The following MORC3 variants were observed in gnomAD, a reference collection of about 807,000 sequenced individuals.
MORC3 encodes MORC family CW-type zinc finger protein 3.
MORC3 carries 31 observed loss-of-function variants against 109.1 expected under a neutral mutation model. The observed-to-expected ratio is 0.28, with a 90% CI of 0.21 to 0.38. The LOEUF (loss-of-function observed/expected upper bound fraction) is 0.38. MORC3 is among the 10% of genes least tolerant of loss of function. The pLI, the probability that MORC3 is intolerant of heterozygous loss-of-function variation, is 1.00. For synonymous variants in MORC3, 395 were observed against 380.7 expected, an observed-to-expected ratio of 1.04 and a Z score of -0.44; for missense variants, 867 against 1,135.8, an observed-to-expected ratio of 0.76 and a Z score of 3.40.
At chr21:36,338,664 A>G in intron 4 of MORC3, 110 bp from the exon 5 acceptor site, 1 of 1,093,336 alleles carries the variant, frequency 9.1e-7, no homozygotes, top group Non-Finnish European at 1.3e-6. Flanking sequence ...AAAAAACCTT[A>G]GAAAATTATT....
chr21:36,356,585 G>T (rs199625436), intron 9 of MORC3, 35 bp from the exon 10 acceptor site: 15 of 1,162,710 alleles, frequency 1.3e-5, no homozygotes, highest in South Asian at 2.9e-5. Flanking sequence ...TGTTTGAAAA[G>T]AATTTTTTCT....
chr21:36,349,616 T>C (rs1410637230), intron 9 of MORC3, among the ~76,000 whole-genome samples: 1 of 152,274 alleles, frequency 6.6e-6, no homozygotes, highest in Non-Finnish European at 1.5e-5. Context: ...CTACCCATTT[T>C]CTTAAAGTTC....
intron 1 of MORC3, among the ~76,000 whole-genome samples, chr21:36,321,027 A>T (rs1370343671): frequency 6.6e-6 from 1 of 152,074 alleles, no homozygotes; most frequent in East Asian, 1.9e-4. Flanking sequence ...ATCCTAAAAA[A>T]CTTTTCTACC....
intron 5 of MORC3, among the ~76,000 whole-genome samples, chr21:36,339,749 A>C (rs1043210712): frequency 6.6e-6 from 1 of 152,216 alleles, no homozygotes; most frequent in African/African-American, 2.4e-5. Flanking sequence ...TCTAAGACAT[A>C]CTGAATCACA....
In MORC3 at chr21:36,341,217, C is replaced by T. The variant is rs1437101079; in HGVS notation, c.609-182C>T. The stretch of plus-strand genomic sequence containing the variant: ...CAGCAGTGTATGAGTGTTACAGTTT[C>T]TCCACATCATCCAGGATCCGTTTTC... On this transcript the variant is annotated intron_variant, in intron 5 of 16. Coordinates refer to ENST00000400485, the MANE Select transcript of MORC3 (RefSeq NM_015358.3). 3.3e-5 allele frequency among the ~76,000 whole-genome samples: 5 copies of T among 152,316 alleles called. No homozygotes were observed. The East Asian group carries it at 9.6e-4, about 29-fold the overall frequency.
At position 36,369,661 on chromosome 21, in the gene MORC3, A is replaced by G; in HGVS notation, c.2293A>G (p.Ser765Gly). 6.2e-7 allele frequency: 1 copy of G among 1,614,242 alleles called. No homozygotes were observed. Residue 765 changes from serine to glycine, a missense_variant, in exon 15 of 17, where the codon AGT (serine) becomes GGT (glycine). Transcript: ENST00000400485. ...TGAAAGTATTAATGGCAAATCTGAA[A>G]GTCCAGACCATATGGTATCTCAGTA... ...LLESINGKSESPDHMVSQYQQ... is the reference protein window; with the variant it reads ...LLESINGKSEGPDHMVSQYQQ...
At chr21:36,326,977 G>A (rs1307989332) in intron 1 of MORC3, among the ~76,000 whole-genome samples, 1 of 151,380 alleles carries the variant, frequency 6.6e-6, no homozygotes, top group Non-Finnish European at 1.5e-5. Flanking sequence ...CACCACGCCC[G>A]GCTAATTTTC....
intron 1 of MORC3, among the ~76,000 whole-genome samples, chr21:36,328,547 G>A (rs1183735987): frequency 6.6e-6 from 1 of 152,114 alleles, no homozygotes; most frequent in Non-Finnish European, 1.5e-5. Flanking sequence ...CGCCATGTTG[G>A]CCAGGCTGGT....
At chr21:36,332,945 G>A (rs1167856613) in intron 1 of MORC3, among the ~76,000 whole-genome samples, 2 of 151,840 alleles carry the variant, frequency 1.3e-5, no homozygotes, top group African/African-American at 2.4e-5. Context: ...CCATCACCAC[G>A]CCCAGGTACT....
Position 36,376,232 on chromosome 21 carries a change from T to C in MORC3, c.*936T>C, listed in dbSNP as rs909363589. ...ATTTCCTTAGGATTATAGTATTACA[T>C]GCCATAAAATACTATGCTTTATTGG... On this transcript the variant is annotated 3_prime_UTR_variant, in exon 17 of 17. Coordinates refer to ENST00000400485, the MANE Select transcript of MORC3 (RefSeq NM_015358.3). The C allele has an allele frequency of 6.6e-6, 1 of 152,658 alleles. No homozygotes were observed. The highest frequency in any genetic ancestry group is 2.4e-5 in the African/African-American group (1 of 41,464). 9.5% of individuals were successfully genotyped at this position (152,658 alleles called of 1,614,324 possible).
intron 1 of MORC3, among the ~76,000 whole-genome samples, chr21:36,332,528 G>C (rs1298237720): frequency 6.6e-6 from 1 of 152,172 alleles, no homozygotes; most frequent in Non-Finnish European, 1.5e-5. Context: ...CAAAACAAAA[G>C]TGAGATACAG....
intron 12 of MORC3, 41 bp from the exon 13 acceptor site, chr21:36,362,137 AATGGG>A: frequency 1.3e-6 from 2 of 1,593,122 alleles, no homozygotes; most frequent in Non-Finnish European, 1.7e-6. Flanking sequence ...GTCATTGGGA[AATGGG>A]ATTGAGAAAT....
At chr21:36,356,791 AT>A in intron 10 of MORC3, 67 bp downstream of exon 10, 1 of 952,362 alleles carries the variant, frequency 1.1e-6, no homozygotes, top group Non-Finnish European at 1.6e-6. Flanking sequence ...GAGTAAAGGG[AT>A]TGTACAATGT....
intron 10 of MORC3, 151 bp from the exon 11 acceptor site, chr21:36,359,804 C>T (rs1012137638): frequency 7.5e-5 from 83 of 1,100,110 alleles, no homozygotes; most frequent in Non-Finnish European, 9.6e-5. Flanking sequence ...CATGAGCCGT[C>T]GCACCCAGCC....
intron 2 of MORC3, among the ~76,000 whole-genome samples, chr21:36,336,603 G>T (rs375403203): frequency 6.6e-6 from 1 of 152,076 alleles, no homozygotes; most frequent in Non-Finnish European, 1.5e-5. Context: ...GTACTTCTTT[G>T]GTGTGCTGGG....
intron 9 of MORC3, among the ~76,000 whole-genome samples, chr21:36,351,317 T>C (rs2085569858): frequency 1.3e-5 from 2 of 152,102 alleles, no homozygotes; most frequent in Non-Finnish European, 2.9e-5. Context: ...CCACCCGCCT[T>C]GGCCTCCCAA....
At chr21:36,329,725 G>A (rs2085292344) in intron 1 of MORC3, among the ~76,000 whole-genome samples, 1 of 151,994 alleles carries the variant, frequency 6.6e-6, no homozygotes, top group Admixed American at 6.6e-5. Context: ...CACATAACAA[G>A]GAAAGAAATA....
intron 14 of MORC3, among the ~76,000 whole-genome samples, chr21:36,364,477 T>C (rs1314503010): frequency 6.6e-6 from 1 of 152,272 alleles, no homozygotes; most frequent in Non-Finnish European, 1.5e-5. Flanking sequence ...TAAAAAGTAT[T>C]AATTGACCAG....
Position 36,349,503 on chromosome 21 carries a change from C to A in MORC3, c.1103+95C>A, listed in dbSNP as rs942659872. On this transcript the variant is annotated intron_variant, in intron 9 of 16. Transcript: ENST00000400485. ...CTATTTTCTGTGAATCTCAGAAATA[C>A]CTTATTAGTAAAGAAAGGTTTGAAT... 5.5e-6 allele frequency: 4 copies of A among 731,510 alleles called. No homozygotes were observed. The Admixed American group carries it at 1.1e-4, about 20-fold the overall frequency. 45.3% of individuals were successfully genotyped at this position (731,510 alleles called of 1,614,324 possible).
Sources: allele counts gnomAD v4.1 joint callset (sites outside exome capture counted in the v4.1 genomes callset), GRCh38; gene constraint gnomAD v4.1.1; transcripts MANE v1.5; gene names NCBI Gene and HGNC (gene_info 2026-07-23, HGNC 2026-07-21).